CLCN1: variants seen among roughly 807,000 people sequenced by gnomAD.
The protein encoded by CLCN1 is chloride channel protein 1.
A neutral mutation model predicts 114.5 loss-of-function variants in CLCN1; 100 were observed. That is an observed-to-expected ratio of 0.87 (90% CI 0.74 to 1.03). The LOEUF is 1.03. CLCN1 is among the 50% of genes least tolerant of loss of function. CLCN1 has a pLI of 0.00. For missense variants in CLCN1, 1,188 were observed against 1,250.0 expected, an observed-to-expected ratio of 0.95 and a Z score of 0.75; for synonymous variants, 485 against 487.1, an observed-to-expected ratio of 1.00 and a Z score of 0.06.
Position 143,346,582 on chromosome 7 carries a change from A to G in CLCN1, c.2288A>G (p.Gln763Arg), listed in dbSNP as rs1274628713. 4 of 1,613,488 alleles carry G rather than the reference A, an allele frequency of 2.5e-6. No individual in the cohort carries two copies. In the South Asian group the frequency reaches 4.4e-5, roughly 18 times the overall value. ...QQPEAPEPAGQRPSIFQSLLH... is the reference protein window; with the variant it reads ...QQPEAPEPAGRRPSIFQSLLH... ...ATCCACTCACCTGTCCTCTCAGGTC[A>G]AAGACCCTCCATCTTCCAGTCCCTG... The change falls in exon 19 of 23, where the codon CAA (glutamine) becomes CGA (arginine). Residue 763 changes from glutamine to arginine, a missense_variant. Coordinates refer to ENST00000343257, the MANE Select transcript of CLCN1 (RefSeq NM_000083.3).
intron 7 of CLCN1, among the ~76,000 whole-genome samples, chr7:143,325,499 TC>T (rs1407668660): frequency 6.6e-6 from 1 of 152,232 alleles, no homozygotes; most frequent in Non-Finnish European, 1.5e-5. Flanking sequence ...TCAGCTAGCA[TC>T]CTGTTTACAT....
chr7:143,324,371 C>G lies in CLCN1; in HGVS notation c.775-43C>G. ...TGTTCTGTCCTCTGCCTGCCCACCT[C>G]CCTCTCTTCCACCTGTTTCTCTGTC... On this transcript the variant is annotated intron_variant, in intron 6 of 22. Coordinates refer to ENST00000343257, the MANE Select transcript of CLCN1 (RefSeq NM_000083.3). This position sits in a 1 kb window ranked among gnomAD's most constrained non-coding sequence, Gnocchi z 4.6. The G allele has an allele frequency of 6.9e-7, 1 of 1,458,554 alleles. No individual in the cohort carries two copies. Among genetic ancestry groups the G allele is most frequent in the Non-Finnish European group, 9.6e-7 (1 of 1,038,834 alleles). The allele number at this position is 1,458,554 out of a possible 1,614,324, so 90.4% of individuals were successfully genotyped here.
At chr7:143,323,247 G>A in intron 5 of CLCN1, 62 bp from the exon 6 acceptor site, 1 of 878,516 alleles carries the variant, frequency 1.1e-6, no homozygotes. Flanking sequence ...TATTAGTCCA[G>A]TGAGTGCTGC....
intron 22 of CLCN1, among the ~76,000 whole-genome samples, chr7:143,351,256 G>C (rs1368426731): frequency 2.0e-5 from 3 of 152,082 alleles, no homozygotes; most frequent in African/African-American, 7.2e-5. Context: ...TTCCAGGCAT[G>C]AGTCACAGTT....
rs1408328135 is a variant in CLCN1 at position 143,332,450 on chromosome 7, G to A, written c.1198G>A (p.Val400Ile). The change falls in exon 11 of 23, where the codon GTC becomes ATC. Residue 400 changes from valine to isoleucine, a missense_variant. Val to Ile is a conservative substitution (Grantham distance 29, BLOSUM62 3). Coordinates refer to ENST00000343257, the MANE Select transcript of CLCN1 (RefSeq NM_000083.3). ...RLLYPGIVTF[V>I]IASFTFPPGM... ...GCTGTATCCTGGAATTGTTACCTTT[G>A]TCATTGCCTCATTCACCTTCCCACC... 6.2e-7 allele frequency: 1 copy of A among 1,614,078 alleles called. No individual in the cohort carries two copies. The highest frequency in any genetic ancestry group is 1.7e-5 in the Admixed American group (1 of 60,010).
At chr7:143,331,467 G>A (rs1802722362) in intron 9 of CLCN1, 84 bp from the exon 10 acceptor site, 1 of 1,164,992 alleles carries the variant, frequency 8.6e-7, no homozygotes, top group Non-Finnish European at 1.3e-6. Context: ...CAGAAGCCTG[G>A]TATTTGTTTC....
intron 19 of CLCN1, 78 bp from the exon 20 acceptor site, chr7:143,346,833 G>T: frequency 7.1e-7 from 1 of 1,402,236 alleles, no homozygotes; most frequent in Non-Finnish European, 1.0e-6. Flanking sequence ...AGGGAGGGAT[G>T]GCTATTGTTT....
In CLCN1 at chr7:143,346,632, C is replaced by T. The variant is rs138062220; in HGVS notation, c.2338C>T (p.Arg780Cys). 26 of 1,613,620 alleles carry T rather than the reference C, an allele frequency of 1.6e-5. No homozygotes were observed. The East Asian group carries it at 2.7e-4, about 17-fold the overall frequency. Residue 780 changes from arginine (R) to cysteine (C), a missense_variant, in exon 19 of 23, where the codon CGC (arginine) becomes TGC (cysteine). Coordinates refer to ENST00000343257, the MANE Select transcript of CLCN1 (RefSeq NM_000083.3). Reference sequence around the variant, plus strand: ...GCTTCACTGCTTGCTGGGCAGAGCTCGCCCCACAAAGAAGAAAACAACCCA... The same window carrying T: ...GCTTCACTGCTTGCTGGGCAGAGCTTGCCCCACAAAGAAGAAAACAACCCA... ...SLLHCLLGRA[R>C]PTKKKTTQDS...
rs1282696508 is a variant in CLCN1, at chr7:143,321,330, A to G, written c.434-35A>G. ...GTGCCGTGGACACGGCTGCTCAGCC[A>G]TGTTCTGCCTAACCCCAGGCATGTG... On this transcript the variant is annotated intron_variant, in intron 3 of 22. Transcript: ENST00000343257. This position sits in a 1 kb window ranked among gnomAD's most constrained non-coding sequence, Gnocchi z 4.2. 2 of 1,613,310 alleles carry G rather than the reference A, an allele frequency of 1.2e-6. No homozygotes were observed. Among genetic ancestry groups the G allele is most frequent in the South Asian group, 1.1e-5 (1 of 90,982 alleles).
At position 143,322,913 on chromosome 7, in the gene CLCN1, A is replaced by T. The variant is rs933696740; in HGVS notation, c.697-396A>T. ...CCCTGCTTTCCTGTGTTTGGCTCAC[A>T]AGTTTCCTTTCTGTCCCTCAGTCAC... On this transcript the variant is annotated intron_variant, in intron 5 of 22. Coordinates refer to ENST00000343257, the MANE Select transcript of CLCN1 (RefSeq NM_000083.3). Among the ~76,000 whole-genome samples the T allele has an allele frequency of 1.1e-3, 168 of 152,172 alleles. 2 individuals are homozygous for T. Among genetic ancestry groups the T allele is most frequent in the Non-Finnish European group, 2.9e-4 (20 of 68,026 alleles).
At chr7:143,320,864 T>C (rs1802410824) in intron 3 of CLCN1, 69 bp downstream of exon 3, 6 of 1,586,388 alleles carry the variant, frequency 3.8e-6, no homozygotes, top group Non-Finnish European at 5.2e-6. Context: ...CAGGGTGTGT[T>C]ATCGGAAGCG....
chr7:143,331,552 A>G lies in CLCN1; in HGVS notation c.1066A>G (p.Ile356Val), dbSNP rs754288182. The stretch of plus-strand genomic sequence containing the variant: ...CAACTCTATAAATTACACCCTCAGG[A>G]TTTGCTGTGGGCTCCTGGGAGCTGT... ...KELPAFAAIGICCGLLGAVFV... is the reference protein window; with the variant it reads ...KELPAFAAIGVCCGLLGAVFV... Residue 356 changes from isoleucine (I) to valine (V), a missense_variant and splice_region_variant, in exon 10 of 23, where the codon ATT becomes GTT. Physicochemically the swap from Ile to Val is conservative, Grantham distance 29. Coordinates refer to ENST00000343257, the MANE Select transcript of CLCN1 (RefSeq NM_000083.3). 1 of 1,611,336 alleles carries G rather than the reference A, an allele frequency of 6.2e-7. No homozygotes were observed. Among genetic ancestry groups the G allele is most frequent in the Admixed American group, 1.7e-5 (1 of 60,020 alleles).
intron 22 of CLCN1, among the ~76,000 whole-genome samples, chr7:143,351,278 C>T (rs138863076): frequency 2.0e-5 from 3 of 151,926 alleles, no homozygotes; most frequent in Admixed American, 1.3e-4. Context: ...CTCGGGGATG[C>T]GCTTTGAGGA....
In CLCN1 at chr7:143,324,285, G is replaced by T; in HGVS notation, c.775-129G>T. 1 of 748,928 alleles carries T rather than the reference G, an allele frequency of 1.3e-6. No homozygotes were observed. Among genetic ancestry groups the T allele is most frequent in the East Asian group, 2.5e-5 (1 of 39,630 alleles). 46.4% of individuals were successfully genotyped at this position (748,928 alleles called of 1,614,324 possible). A position where few individuals can be genotyped will look rare whatever the true frequency, so the allele number is the denominator to read the frequency against. On this transcript the variant is annotated intron_variant, in intron 6 of 22. Transcript: ENST00000343257. The surrounding 1 kb of genome is among the most constrained non-coding windows in gnomAD (Gnocchi z 4.6). ...TTGGCCTGGGAATCACAGGGGACAT[G>T]GGACCACAAGGACTCCTTTTGACTT...
chr7:143,320,867 C>T (rs7800971), intron 3 of CLCN1, 72 bp downstream of exon 3: 9 of 1,578,250 alleles, frequency 5.7e-6, no homozygotes, highest in South Asian at 2.2e-5. Context: ...GGTGTGTTAT[C>T]GGAAGCGAAT....
chr7:143,332,936 G>T, intron 12 of CLCN1, 63 bp downstream of exon 12: 2 of 1,555,018 alleles, frequency 1.3e-6, no homozygotes, highest in East Asian at 4.5e-5. Context: ...TGAACCCAGG[G>T]TTTGCATAGG....
intron 14 of CLCN1, 84 bp from the exon 15 acceptor site, chr7:143,341,845 G>A (rs878946643): frequency 8.5e-6 from 9 of 1,056,400 alleles, no homozygotes; most frequent in African/African-American, 3.1e-5. Flanking sequence ...CTCTCATTCC[G>A]TGTTATTCCC....
chr7:143,339,264 C>A lies in CLCN1; in HGVS notation c.1413C>A (p.Ser471=). The A allele has an allele frequency of 6.2e-7, 1 of 1,610,288 alleles. No homozygotes were observed. Residue 471 remains serine (S), a synonymous_variant, in exon 13 of 23, where the codon TCC becomes TCA. Coordinates refer to ENST00000343257, the MANE Select transcript of CLCN1 (RefSeq NM_000083.3). This position sits in a 1 kb window ranked among gnomAD's most constrained non-coding sequence, Gnocchi z 4.1. ...TCTTTCTACTCCAGTTCTGGATGTC[C>A]ATCGTGGCCACCACTATGCCCATAC... The part of the protein sequence containing the change: ...FLFFVMKFWM[S]IVATTMPIPC...
chr7:143,346,685 A>G (rs766262847), intron 19 of CLCN1, 27 bp downstream of exon 19: 1 of 1,575,322 alleles, frequency 6.3e-7, no homozygotes, highest in Non-Finnish European at 8.7e-7. Flanking sequence ...TTGGGGATAC[A>G]GGGGAAAGGG....
Sources: gnomAD v4.1 joint callset for allele counts (sites outside exome capture counted in the v4.1 genomes callset) on GRCh38, gnomAD v4.1.1 for gene constraint, Gnocchi (gnomAD v3.1) non-coding constraint, MANE v1.5 for transcripts, NCBI Gene and HGNC (gene_info 2026-07-23, HGNC 2026-07-21) for gene names.